The following FHIP2A variants were observed in gnomAD, a reference collection of about 807,000 sequenced individuals.
FHIP2A encodes the protein FHF complex subunit HOOK interacting protein 2A.
Under a neutral mutation model 93.5 loss-of-function variants are expected in FHIP2A, and 46 were observed. That is an observed-to-expected ratio of 0.49 (90% CI 0.39 to 0.63). FHIP2A has a LOEUF of 0.63. Ranked by LOEUF, FHIP2A falls within the 20% of genes least tolerant of loss-of-function variation. The pLI, the probability that FHIP2A is intolerant of heterozygous loss-of-function variation, is 0.00. For missense variants in FHIP2A, 769 were observed against 909.7 expected (o/e 0.85, Z 1.99); for synonymous variants, 332 against 326.5 (o/e 1.02, Z -0.18).
chr10:114,834,066 A>T (rs2083623506), intron 3 of FHIP2A, among the ~76,000 whole-genome samples: 1 of 152,154 alleles, frequency 6.6e-6, no homozygotes, highest in Non-Finnish European at 1.5e-5. Flanking sequence ...GTGTTTGCTA[A>T]GGGGCCTCCC....
At chr10:114,870,617 T>C (rs2083854926) in intron 16 of FHIP2A, among the ~76,000 whole-genome samples, 1 of 152,188 alleles carries the variant, frequency 6.6e-6, no homozygotes, top group Non-Finnish European at 1.5e-5. Flanking sequence ...CAAAATGTAT[T>C]GTATTGTTGC....
Position 114,842,947 on chromosome 10 carries a change from A to T in FHIP2A, c.537A>T (p.Ser179=), listed in dbSNP as rs139657252. The change falls in exon 6 of 17, where the codon TCA becomes TCT. Residue 179 remains serine (S), a synonymous_variant. Coordinates refer to ENST00000369248, the MANE Select transcript of FHIP2A (RefSeq NM_020940.4). Reference sequence around the variant, plus strand: ...TTCCTTTTCAGAATAAGATGAAATCATTGGCTTCCAAAGGAGTACCAAATG... The same window carrying T: ...TTCCTTTTCAGAATAAGATGAAATCTTTGGCTTCCAAAGGAGTACCAAATG... ...VNFFLENKMK[S]LASKGVPNVI... is the part of the protein sequence containing the mutation. 2 of 1,597,778 alleles carry T rather than the reference A, an allele frequency of 1.3e-6. No homozygotes were observed. Among genetic ancestry groups the T allele is most frequent in the Non-Finnish European group, 1.7e-6 (2 of 1,167,096 alleles).
At chr10:114,875,168 C>T (rs905180256) in intron 16 of FHIP2A, among the ~76,000 whole-genome samples, 2 of 152,162 alleles carry the variant, frequency 1.3e-5, no homozygotes, top group African/African-American at 2.4e-5. Context: ...AGGCGGCCGG[C>T]GGAGGCAGTG....
intron 1 of FHIP2A, among the ~76,000 whole-genome samples, chr10:114,828,390 G>C (rs181291055): frequency 6.6e-6 from 1 of 152,122 alleles, no homozygotes; most frequent in Non-Finnish European, 1.5e-5. Context: ...TCTGGAAAAA[G>C]GATACTGTAA....
At chr10:114,822,429 C>T (rs1395393951) in intron 1 of FHIP2A, among the ~76,000 whole-genome samples, 3 of 151,878 alleles carry the variant, frequency 2.0e-5, no homozygotes, top group Non-Finnish European at 4.4e-5. Flanking sequence ...GCTCGGTGGT[C>T]GCCTCATTCC....
chr10:114,858,430 A>G (rs2083779369), intron 14 of FHIP2A, among the ~76,000 whole-genome samples: 1 of 152,218 alleles, frequency 6.6e-6, no homozygotes, highest in African/African-American at 2.4e-5. Context: ...TACAAAGTCT[A>G]AATAGTAATG....
In FHIP2A at chr10:114,861,892, G is replaced by A. The variant is rs1316267097; in HGVS notation, c.*352G>A. On this transcript the variant is annotated 3_prime_UTR_variant, in exon 17 of 17. Coordinates refer to ENST00000369248, the MANE Select transcript of FHIP2A (RefSeq NM_020940.4). ...TTCTGTTATATTAATGTCCTTTTAG[G>A]TAGCAAGGCATTTTGACATTCTCTG... 7 of 990,552 alleles carry A rather than the reference G, an allele frequency of 7.1e-6. No individual in the cohort carries two copies. In the African/African-American group the frequency reaches 1.2e-4, roughly 17 times the overall value. 61.4% of individuals were successfully genotyped at this position (990,552 alleles called of 1,614,324 possible).
chr10:114,840,768 G>A (rs988923901), intron 5 of FHIP2A, among the ~76,000 whole-genome samples: 1 of 152,118 alleles, frequency 6.6e-6, no homozygotes, highest in Non-Finnish European at 1.5e-5. Flanking sequence ...GGGCCCCAAG[G>A]GAGCTGATTT....
At chr10:114,855,070 G>C (rs2083758786) in intron 13 of FHIP2A, 127 bp from the exon 14 acceptor site, 12 of 912,422 alleles carry the variant, frequency 1.3e-5, no homozygotes, top group Non-Finnish European at 1.8e-5. Flanking sequence ...CCTCTCCCTT[G>C]GCACCTGAAG....
chr10:114,877,600 A>G (rs928533829), intron 16 of FHIP2A, among the ~76,000 whole-genome samples: 6 of 152,180 alleles, frequency 3.9e-5, no homozygotes, highest in African/African-American at 9.7e-5. Flanking sequence ...GGGAATTTGT[A>G]TATTTTTAAA....
chr10:114,897,730 C>G (rs532649593), intron 16 of FHIP2A, among the ~76,000 whole-genome samples: 3 of 152,088 alleles, frequency 2.0e-5, no homozygotes, highest in Admixed American at 1.3e-4. Context: ...GGCAACATGG[C>G]AAAACGCTGT....
intron 16 of FHIP2A, among the ~76,000 whole-genome samples, chr10:114,895,956 A>C (rs866061367): frequency 1.1e-4 from 16 of 152,134 alleles, no homozygotes; most frequent in African/African-American, 2.7e-4. Context: ...CTCAGCCCCA[A>C]ATCCACCCTT....
chr10:114,888,727 C>T (rs1160328662), intron 16 of FHIP2A, among the ~76,000 whole-genome samples: 2 of 152,122 alleles, frequency 1.3e-5, no homozygotes, highest in African/African-American at 4.8e-5. Context: ...CTCAGTCGCC[C>T]AAGTAGCTGG....
intron 1 of FHIP2A, among the ~76,000 whole-genome samples, chr10:114,827,586 A>G (rs1370584441): frequency 6.6e-6 from 1 of 152,220 alleles, no homozygotes; most frequent in Non-Finnish European, 1.5e-5. Context: ...TCATGAGGTC[A>G]GGAGATCGAG....
At chr10:114,865,932 A>T (rs1279552128), downstream of FHIP2A, among the ~76,000 whole-genome samples, 5 of 151,998 alleles carry the variant, frequency 3.3e-5, no homozygotes, top group African/African-American at 1.2e-4. Context: ...TCACCTAGGG[A>T]CTACCTTGCA....
intron 1 of FHIP2A, among the ~76,000 whole-genome samples, chr10:114,828,852 C>T (rs528701079): frequency 3.4e-4 from 51 of 151,974 alleles, no homozygotes; most frequent in African/African-American, 9.2e-4. Context: ...TAACACAGTA[C>T]GATTTACAGT....
chr10:114,834,208 C>T (rs74158074), intron 3 of FHIP2A, among the ~76,000 whole-genome samples: 5,969 of 152,128 alleles, frequency 0.039, 335 homozygotes, highest in African/African-American at 0.13. Flanking sequence ...AGATGATTTC[C>T]TTTTGTCTGT....
At chr10:114,833,966 G>A (rs570534446) in intron 3 of FHIP2A, among the ~76,000 whole-genome samples, 1 of 152,296 alleles carries the variant, frequency 6.6e-6, no homozygotes, top group African/African-American at 2.4e-5. Flanking sequence ...AGATTAGGGG[G>A]CCAGGCTTCC....
rs1359737464 is a variant in FHIP2A, at chr10:114,851,277, C to T, written c.1803+2540C>T. ...TTTTCTTCATGCTTTTTGTGCCGTA[C>T]CTAAGAAATCATTGCCTAACCAAGA... On this transcript the variant is annotated intron_variant, in intron 13 of 16. Coordinates refer to ENST00000369248, the MANE Select transcript of FHIP2A (RefSeq NM_020940.4). Among the ~76,000 whole-genome samples the T allele has an allele frequency of 3.9e-5, 6 of 152,046 alleles. No individual in the cohort carries two copies. In the East Asian group the frequency reaches 1.2e-3, roughly 29 times the overall value.
Sources: gnomAD v4.1 joint callset for allele counts (sites outside exome capture counted in the v4.1 genomes callset) on GRCh38, gnomAD v4.1.1 for gene constraint, MANE v1.5 for transcripts, NCBI Gene and HGNC (gene_info 2026-07-23, HGNC 2026-07-21) for gene names.